Variants in FGF19 observed in about 807,000 individuals in gnomAD.
FGF19 encodes fibroblast growth factor 19.
Under a neutral mutation model 8.9 loss-of-function variants are expected in FGF19, and 5 were observed. That is an observed-to-expected ratio of 0.56 (90% CI 0.29 to 1.18). FGF19 has a LOEUF of 1.18. Ranked by LOEUF, FGF19 falls within the 50% of genes most tolerant of loss-of-function variation. The pLI, the probability that FGF19 is intolerant of heterozygous loss-of-function variation, is 0.08. For missense variants in FGF19, 237 were observed against 293.9 expected (o/e 0.81, Z 1.42); for synonymous variants, 124 against 128.0 (o/e 0.97, Z 0.21).
chr11:69,699,565 C>G lies in FGF19; in HGVS notation c.348G>C (p.Ser116=). ...DGKMQGLLQY[S]EEDCAFEEEI... ...CCTCCTCGAAAGCACAGTCTTCCTC[C>G]GAGTACTGAAGCTGCAGAGAAAACA... Residue 116 remains serine, a synonymous_variant, in exon 3 of 3, where the codon TCG becomes TCC. Transcript: ENST00000294312. 1.2e-6 allele frequency: 2 copies of G among 1,609,356 alleles called. No homozygotes were observed. The highest frequency in any genetic ancestry group is 8.5e-7 in the Non-Finnish European group (1 of 1,177,098).
Position 69,703,695 on chromosome 11 carries a change from C to A in FGF19, c.182G>T (p.Arg61Leu). ...GPHGLSSCFL[R>L]IRADGVVDCA... The stretch of plus-strand genomic sequence containing the variant: ...GTCCACGACGCCGTCGGCACGGATG[C>A]GCAGGAAGCAGCTGGAGAGCCCGTG... The change falls in exon 1 of 3, where the codon CGC (arginine) becomes CTC (leucine). Residue 61 changes from arginine (R) to leucine (L), a missense_variant. Transcript: ENST00000294312. This position sits in a 1 kb window ranked among gnomAD's most constrained non-coding sequence, Gnocchi z 6.8. 1 of 1,232,726 alleles carries A rather than the reference C, an allele frequency of 8.1e-7. No homozygotes were observed. Among genetic ancestry groups the A allele is most frequent in the Non-Finnish European group, 1.0e-6 (1 of 988,460 alleles). 76.4% of individuals were successfully genotyped at this position (1,232,726 alleles called of 1,614,324 possible).
In FGF19 at chr11:69,702,592, C is replaced by A. The variant is rs1217783493; in HGVS notation, c.336+669G>T. Among the ~76,000 whole-genome samples, 1 of 151,994 alleles carries A rather than the reference C, an allele frequency of 6.6e-6. No homozygotes were observed. Among genetic ancestry groups the A allele is most frequent in the Non-Finnish European group, 1.5e-5 (1 of 67,988 alleles). On this transcript the variant is annotated intron_variant, in intron 2 of 2. Coordinates refer to ENST00000294312, the MANE Select transcript of FGF19 (RefSeq NM_005117.3). This position sits in a 1 kb window ranked among gnomAD's most constrained non-coding sequence, Gnocchi z 4.6. ...CCCGGGACCTCTGCGGTTACCTGGG[C>A]CTTCCCTGCCAGCCCCCACCCCCTG...
In FGF19 at chr11:69,703,369, G is replaced by A. The variant is rs1421999249; in HGVS notation, c.233-5C>T. On this transcript the variant is annotated splice_region_variant and splice_polypyrimidine_tract_variant and intron_variant, in intron 1 of 2. Coordinates refer to ENST00000294312, the MANE Select transcript of FGF19 (RefSeq NM_005117.3). The surrounding 1 kb of genome is among the most constrained non-coding windows in gnomAD (Gnocchi z 6.8). ...CTGCCTTGATCTCCAGCAAACCTAG[G>A]CGCAGGGGAAGCGAGAAGCTGCAGC... 6.2e-7 allele frequency: 1 copy of A among 1,602,080 alleles called. No homozygotes were observed.
Position 69,701,892 on chromosome 11 carries a change from T to G in FGF19, c.336+1369A>C, listed in dbSNP as rs1372244711. Among the ~76,000 whole-genome samples the G allele has an allele frequency of 2.2e-5, 3 of 134,800 alleles. No individual in the cohort carries two copies. In the East Asian group the frequency reaches 6.8e-4, roughly 30 times the overall value. The allele number at this position is 134,800 out of a possible 152,430, so 88.4% of individuals were successfully genotyped here. The stretch of plus-strand genomic sequence containing the variant: ...CTGAGGTAGCAGAAACGCTTGAACC[T>G]GGGAGGCACAGGTTGCAGTGAGCCG... On this transcript the variant is annotated intron_variant, in intron 2 of 2. Transcript: ENST00000294312.
rs765440889 is a variant in FGF19, at chr11:69,699,566, G to A, written c.347C>T (p.Ser116Leu). ...DGKMQGLLQY[S>L]EEDCAFEEEI... ...CTCCTCGAAAGCACAGTCTTCCTCC[G>A]AGTACTGAAGCTGCAGAGAAAACAG... Residue 116 changes from serine to leucine, a missense_variant, in exon 3 of 3, where the codon TCG becomes TTG. By Grantham distance (145) the Ser-to-Leu change is moderately radical. Coordinates refer to ENST00000294312, the MANE Select transcript of FGF19 (RefSeq NM_005117.3). The A allele has an allele frequency of 2.1e-5, 34 of 1,608,378 alleles. No individual in the cohort carries two copies. Among genetic ancestry groups the A allele is most frequent in the Middle Eastern group, 3.3e-4 (2 of 6,060 alleles).
At position 69,698,359 on chromosome 11, in the gene FGF19, T is replaced by C. The variant is rs998850748; in HGVS notation, c.*903A>G. ...CATATCAAAATAAATTACTCATAAA[T>C]ATCATGTTGGAAAACCAAGTGCTGG... On this transcript the variant is annotated 3_prime_UTR_variant, in exon 3 of 3. Coordinates refer to ENST00000294312, the MANE Select transcript of FGF19 (RefSeq NM_005117.3). 1.1e-5 allele frequency: 2 copies of C among 185,948 alleles called. No homozygotes were observed. Among genetic ancestry groups the C allele is most frequent in the Non-Finnish European group, 2.3e-5 (2 of 87,990 alleles). 11.5% of individuals were successfully genotyped at this position (185,948 alleles called of 1,614,324 possible). A position where few individuals can be genotyped will look rare whatever the true frequency, so the allele number is the denominator to read the frequency against.
chr11:69,703,429 C>G lies in FGF19; in HGVS notation c.233-65G>C. 7 of 1,302,382 alleles carry G rather than the reference C, an allele frequency of 5.4e-6. No individual in the cohort carries two copies. The highest frequency in any genetic ancestry group is 1.3e-5 in the South Asian group (1 of 77,254). The allele number at this position is 1,302,382 out of a possible 1,614,324, so 80.7% of individuals were successfully genotyped here. A position where few individuals can be genotyped will look rare whatever the true frequency, so the allele number is the denominator to read the frequency against. On this transcript the variant is annotated intron_variant, in intron 1 of 2. Coordinates refer to ENST00000294312, the MANE Select transcript of FGF19 (RefSeq NM_005117.3). This position sits in a 1 kb window ranked among gnomAD's most constrained non-coding sequence, Gnocchi z 6.8. ...TGGGCCCGCACCACGTGGGTGCGGT[C>G]GGTCCACAAGCCTGTGCTTCTCCCT...
chr11:69,701,779 C>T (rs1012023286), intron 2 of FGF19, among the ~76,000 whole-genome samples: 1 of 151,678 alleles, frequency 6.6e-6, no homozygotes, highest in Non-Finnish European at 1.5e-5. Context: ...AGCCTGGCCA[C>T]CAACATGGTG....
At position 69,703,913 on chromosome 11, in the gene FGF19, T is replaced by C. The variant is rs1854809760; in HGVS notation, c.-37A>G. Reference sequence around the variant, plus strand: ...GGGGCTCTCGGCGCAGCTCCGGCGATGGGGGTGCGGGAGGCTGGGCGGCGA... The same window carrying C: ...GGGGCTCTCGGCGCAGCTCCGGCGACGGGGGTGCGGGAGGCTGGGCGGCGA... On this transcript the variant is annotated 5_prime_UTR_variant, in exon 1 of 3. Transcript: ENST00000294312. This position sits in a 1 kb window ranked among gnomAD's most constrained non-coding sequence, Gnocchi z 6.8. 1 of 1,203,930 alleles carries C rather than the reference T, an allele frequency of 8.3e-7. No individual in the cohort carries two copies. The highest frequency in any genetic ancestry group is 1.0e-6 in the Non-Finnish European group (1 of 957,622). 74.6% of individuals were successfully genotyped at this position (1,203,930 alleles called of 1,614,324 possible).
At chr11:69,700,187 C>T (rs1854752894) in intron 2 of FGF19, among the ~76,000 whole-genome samples, 1 of 151,840 alleles carries the variant, frequency 6.6e-6, no homozygotes, top group Non-Finnish European at 1.5e-5. Flanking sequence ...ATAATATGTA[C>T]ATTATGTTAA....
intron 2 of FGF19, among the ~76,000 whole-genome samples, chr11:69,700,402 C>T (rs1423534821): frequency 2.0e-5 from 3 of 152,080 alleles, no homozygotes; most frequent in Non-Finnish European, 4.4e-5. Context: ...GAGCCTTGTC[C>T]TAAGCAATAA....
rs1455113131 is a variant in FGF19, at chr11:69,702,792, C to G, written c.336+469G>C. ...CCCAAATGCACTGTTTTCTGCCTTG[C>G]TTGACAATTGATTTGTTTTTAAAGG... On this transcript the variant is annotated intron_variant, in intron 2 of 2. Coordinates refer to ENST00000294312, the MANE Select transcript of FGF19 (RefSeq NM_005117.3). This position sits in a 1 kb window ranked among gnomAD's most constrained non-coding sequence, Gnocchi z 4.6. Among the ~76,000 whole-genome samples the G allele has an allele frequency of 1.3e-5, 2 of 152,330 alleles. No homozygotes were observed. Among genetic ancestry groups the G allele is most frequent in the South Asian group, 2.1e-4 (1 of 4,822 alleles).
Position 69,703,502 on chromosome 11 carries a change from G to A in FGF19, c.233-138C>T, listed in dbSNP as rs1039969908. On this transcript the variant is annotated intron_variant, in intron 1 of 2. Coordinates refer to ENST00000294312, the MANE Select transcript of FGF19 (RefSeq NM_005117.3). The surrounding 1 kb of genome is among the most constrained non-coding windows in gnomAD (Gnocchi z 6.8). ...CTAACGGAGGGATCCTAACGTCCAG[G>A]TGCCAAAACCTGGGGTTCCCAGGAG... is the stretch of plus-strand genomic sequence containing the variant. The A allele has an allele frequency of 5.0e-6, 4 of 799,518 alleles. No individual in the cohort carries two copies. Among genetic ancestry groups the A allele is most frequent in the South Asian group, 2.4e-5 (1 of 41,796 alleles). The allele number at this position is 799,518 out of a possible 1,614,324, so 49.5% of individuals were successfully genotyped here. A position where few individuals can be genotyped will look rare whatever the true frequency, so the allele number is the denominator to read the frequency against.
At chr11:69,701,857 C>T (rs767704728) in intron 2 of FGF19, among the ~76,000 whole-genome samples, 2 of 148,314 alleles carry the variant, frequency 1.3e-5, no homozygotes, top group Non-Finnish European at 3.0e-5. Context: ...AATCCCAGCT[C>T]CATGGGAGGC....
Position 69,699,361 on chromosome 11 carries a change from T to C in FGF19, c.552A>G (p.Glu184=). Residue 184 remains glutamate, a synonymous_variant, in exon 3 of 3, where the codon GAA becomes GAG. Transcript: ENST00000294312. The part of the protein sequence containing the change: ...EEPEDLRGHL[E]SDMFSSPLET... ...CCAGGGGCGAAGAGAACATGTCAGA[T>C]TCCAAGTGGCCCCTGAGGTCCTCAG... 6.2e-7 allele frequency: 1 copy of C among 1,614,122 alleles called. No individual in the cohort carries two copies. The highest frequency in any genetic ancestry group is 8.5e-7 in the Non-Finnish European group (1 of 1,179,996).
At position 69,699,014 on chromosome 11, in the gene FGF19, G is replaced by T; in HGVS notation, c.*248C>A. On this transcript the variant is annotated 3_prime_UTR_variant, in exon 3 of 3. Coordinates refer to ENST00000294312, the MANE Select transcript of FGF19 (RefSeq NM_005117.3). ...GTGCAGCAGCTTGTCCAGCAACCTC[G>T]AGGGAGCAGAATGGGGGCCCAGGCA... The T allele has an allele frequency of 6.0e-6, 3 of 497,004 alleles. No homozygotes were observed. The highest frequency in any genetic ancestry group is 1.1e-5 in the Non-Finnish European group (3 of 280,612). 30.8% of individuals were successfully genotyped at this position (497,004 alleles called of 1,614,324 possible).
In FGF19 at chr11:69,699,198, C is replaced by T. The variant is rs1055438741; in HGVS notation, c.*64G>A. 71 of 1,187,888 alleles carry T rather than the reference C, an allele frequency of 6.0e-5. No homozygotes were observed. Among genetic ancestry groups the T allele is most frequent in the East Asian group, 1.9e-4 (8 of 41,546 alleles). The allele number at this position is 1,187,888 out of a possible 1,614,324, so 73.6% of individuals were successfully genotyped here. ...ACTCAGGACTGTTCTTGTAGAAGCA[C>T]GTCCCCCACGCTGCAGGTACCACAG... On this transcript the variant is annotated 3_prime_UTR_variant, in exon 3 of 3. Coordinates refer to ENST00000294312, the MANE Select transcript of FGF19 (RefSeq NM_005117.3).
At position 69,699,295 on chromosome 11, in the gene FGF19, C is replaced by T; in HGVS notation, c.618G>A (p.Leu206=). Residue 206 remains leucine, a synonymous_variant, in exon 3 of 3, where the codon CTG becomes CTA. Coordinates refer to ENST00000294312, the MANE Select transcript of FGF19 (RefSeq NM_005117.3). Reference sequence around the variant, plus strand: ...CAAAGCTGGGACTCCTCACGGCCTCCAGTCCGGTGACAAGCCCAAATGGGT... The same window carrying T: ...CAAAGCTGGGACTCCTCACGGCCTCTAGTCCGGTGACAAGCCCAAATGGGT... The part of the protein sequence containing the change: ...SMDPFGLVTG[L]EAVRSPSFEK 1.9e-6 allele frequency: 3 copies of T among 1,613,748 alleles called. No homozygotes were observed. Among genetic ancestry groups the T allele is most frequent in the Non-Finnish European group, 2.5e-6 (3 of 1,179,750 alleles).
At position 69,701,032 on chromosome 11, in the gene FGF19, AG is replaced by A. The variant is rs1854767157; in HGVS notation, c.337-1457del. On this transcript the variant is annotated intron_variant, in intron 2 of 2. Coordinates refer to ENST00000294312, the MANE Select transcript of FGF19 (RefSeq NM_005117.3). ...GTCACTGAACTGCAGGTGGGTGACG[AG>A]GTACCTGTGCTAATAAGCTCCTGAT... Among the ~76,000 whole-genome samples the A allele has an allele frequency of 2.0e-5, 3 of 152,312 alleles. No individual in the cohort carries two copies. In the South Asian group the frequency reaches 6.2e-4, roughly 32 times the overall value.
Sources: allele counts gnomAD v4.1 joint callset (sites outside exome capture counted in the v4.1 genomes callset), GRCh38; gene constraint gnomAD v4.1.1; non-coding constraint Gnocchi (gnomAD v3.1); transcripts MANE v1.5; gene names NCBI Gene and HGNC (gene_info 2026-07-23, HGNC 2026-07-21).